The following BIN3 variants were observed in gnomAD, a reference collection of about 807,000 sequenced individuals.
BIN3 encodes the protein bridging integrator 3.
Under a neutral mutation model 38.2 loss-of-function variants are expected in BIN3, and 41 were observed. That is an observed-to-expected ratio of 1.07 (90% CI 0.84 to 1.39). BIN3 has a LOEUF of 1.39. Among genes scored for constraint, BIN3 ranks in the 40% most tolerant of loss-of-function variants. BIN3 has a pLI of 0.00. For synonymous variants in BIN3, 145 were observed against 122.6 expected (o/e 1.18, Z -1.21); for missense variants, 361 against 324.3 (o/e 1.11, Z -0.87).
At chr8:22,628,311 C>A (rs1802069391) in intron 6 of BIN3, among the ~76,000 whole-genome samples, 1 of 152,212 alleles carries the variant, frequency 6.6e-6, no homozygotes, top group Non-Finnish European at 1.5e-5. Flanking sequence ...CATCAGAGGA[C>A]AGGAAAGCTG....
intron 2 of BIN3, among the ~76,000 whole-genome samples, chr8:22,643,297 C>A (rs1373990978): frequency 6.6e-6 from 1 of 152,112 alleles, no homozygotes; most frequent in African/African-American, 2.4e-5. Flanking sequence ...TTGGTCAGCA[C>A]CCTGCCTCTG....
chr8:22,630,545 T>A lies in BIN3; in HGVS notation c.194A>T (p.Asp65Val). ...MSKSAVKISL[D>V]LLSNPLCEQD... ...CTCACAGAGGGGATTGGAGAGTAAG[T>A]CCAAGGATATCTTCACGGCAGATTT... Residue 65 changes from aspartate to valine, a missense_variant, in exon 5 of 9, where the codon GAC (aspartate) becomes GTC (valine). Coordinates refer to ENST00000276416, the MANE Select transcript of BIN3 (RefSeq NM_018688.6). 6.2e-7 allele frequency: 1 copy of A among 1,613,922 alleles called. No individual in the cohort carries two copies. The highest frequency in any genetic ancestry group is 8.5e-7 in the Non-Finnish European group (1 of 1,179,840).
intron 5 of BIN3, 79 bp downstream of exon 5, chr8:22,630,363 G>A (rs1802152392): frequency 6.4e-7 from 1 of 1,557,884 alleles, no homozygotes; most frequent in Non-Finnish European, 8.7e-7. Flanking sequence ...AGCCCACTCG[G>A]GCCTCCCCGC....
At chr8:22,659,477 GA>G (rs1160710827) in intron 1 of BIN3, among the ~76,000 whole-genome samples, 1 of 152,204 alleles carries the variant, frequency 6.6e-6, no homozygotes, top group Non-Finnish European at 1.5e-5. Context: ...TCCACAGGCT[GA>G]CCTCTGAAAA....
At chr8:22,652,863 T>G (rs543469322) in intron 1 of BIN3, among the ~76,000 whole-genome samples, 1 of 152,340 alleles carries the variant, frequency 6.6e-6, no homozygotes, top group Admixed American at 6.5e-5. Flanking sequence ...TAGTGTTTGG[T>G]TGCCTCTTCA....
In BIN3 at chr8:22,621,223, T is replaced by C; in HGVS notation, c.*199A>G. ...GGGTTTGTCTACACTGCTTACCTGC[T>C]GGGGCTGTGAGTGGGGAGACGGCGG... On this transcript the variant is annotated 3_prime_UTR_variant, in exon 9 of 9. Transcript: ENST00000276416. The C allele has an allele frequency of 1.5e-6, 1 of 653,576 alleles. No homozygotes were observed. Among genetic ancestry groups the C allele is most frequent in the South Asian group, 1.9e-5 (1 of 51,558 alleles). 40.5% of individuals were successfully genotyped at this position (653,576 alleles called of 1,614,324 possible).
rs369079987 is a variant in BIN3, at chr8:22,660,620, G to A, written c.8+8424C>T. Among the ~76,000 whole-genome samples, 50 of 152,270 alleles carry A rather than the reference G, an allele frequency of 3.3e-4. 1 individual carries two copies. The East Asian group carries it at 4.8e-3, about 15-fold the overall frequency. ...CGTCCCCATCCCGTGGGGCAGGGGC[G>A]GGGGGCGCGGGCAAACGTTCTCTTG... On this transcript the variant is annotated intron_variant, in intron 1 of 8. Coordinates refer to ENST00000276416, the MANE Select transcript of BIN3 (RefSeq NM_018688.6).
chr8:22,629,037 G>T (rs1802096475), intron 6 of BIN3, among the ~76,000 whole-genome samples: 1 of 152,252 alleles, frequency 6.6e-6, no homozygotes, highest in Non-Finnish European at 1.5e-5. Flanking sequence ...TCCTGGCTTA[G>T]AAACAAGAGC....
chr8:22,650,044 G>C (rs993454405), intron 1 of BIN3, among the ~76,000 whole-genome samples: 5 of 152,068 alleles, frequency 3.3e-5, no homozygotes, highest in Non-Finnish European at 5.9e-5. Context: ...TAAAATGAGT[G>C]GTTCAGGTAT....
chr8:22,629,677 A>T (rs1388548355), intron 6 of BIN3: 1 of 528,290 alleles, frequency 1.9e-6, no homozygotes, highest in Non-Finnish European at 3.4e-6. Flanking sequence ...CTCAATCAGG[A>T]GGAAGCGGTC....
At chr8:22,645,107 G>A (rs1489038404) in intron 1 of BIN3, among the ~76,000 whole-genome samples, 2 of 151,618 alleles carry the variant, frequency 1.3e-5, no homozygotes. Context: ...TGAGGCTGTA[G>A]TGACCTATAA....
At chr8:22,651,965 C>T (rs10216447) in intron 1 of BIN3, among the ~76,000 whole-genome samples, 17,714 of 149,558 alleles carry the variant, frequency 0.12, 2,245 homozygotes, top group African/African-American at 0.32. Context: ...TTCTCAATTT[C>T]ATCTTCTAAC....
chr8:22,638,630 T>C (rs1028486209), intron 2 of BIN3, among the ~76,000 whole-genome samples: 2 of 152,104 alleles, frequency 1.3e-5, no homozygotes, highest in African/African-American at 4.8e-5. Flanking sequence ...GAACACAGAG[T>C]CTGCTTAGCT....
At chr8:22,644,499 A>G (rs1585193468) in intron 2 of BIN3, 1 of 469,344 alleles carries the variant, frequency 2.1e-6, no homozygotes, top group Non-Finnish European at 4.0e-6. Context: ...CTTCCTCTAC[A>G]TTTTTGTAAT....
chr8:22,648,116 C>A (rs1300755147), intron 1 of BIN3, among the ~76,000 whole-genome samples: 5 of 125,688 alleles, frequency 4.0e-5, no homozygotes, highest in African/African-American at 1.5e-4. Context: ...GCCTGCGCGA[C>A]AGAGTGAGAC....
intron 2 of BIN3, among the ~76,000 whole-genome samples, chr8:22,642,121 G>A (rs561679319): frequency 1.3e-5 from 2 of 152,314 alleles, no homozygotes; most frequent in East Asian, 3.9e-4. Flanking sequence ...ACAGTTGGGT[G>A]CCTTGAGCCA....
chr8:22,644,131 G>A (rs1347078819), intron 2 of BIN3, among the ~76,000 whole-genome samples: 2 of 152,220 alleles, frequency 1.3e-5, no homozygotes, highest in Non-Finnish European at 2.9e-5. Flanking sequence ...TCAGGAGGTT[G>A]GACTAGATGG....
At chr8:22,621,849 G>A (rs1801832996) in intron 8 of BIN3, among the ~76,000 whole-genome samples, 1 of 152,222 alleles carries the variant, frequency 6.6e-6, no homozygotes, top group African/African-American at 2.4e-5. Context: ...GCCTCCTAGG[G>A]CGACTGTGGA....
chr8:22,632,925 T>G (rs1563953786), intron 4 of BIN3, among the ~76,000 whole-genome samples: 1 of 152,072 alleles, frequency 6.6e-6, no homozygotes. Flanking sequence ...GCCAGGCTGG[T>G]CTCGAACTCC....
Sources: allele counts gnomAD v4.1 joint callset (sites outside exome capture counted in the v4.1 genomes callset), GRCh38; gene constraint gnomAD v4.1.1; transcripts MANE v1.5; gene names NCBI Gene and HGNC (gene_info 2026-07-23, HGNC 2026-07-21).